ELMO1: variants seen among roughly 807,000 people sequenced by gnomAD.
The protein encoded by ELMO1 is engulfment and cell motility 1.
ELMO1 carries 26 observed loss-of-function variants against 98.9 expected under a neutral mutation model. That is an observed-to-expected ratio of 0.26 (90% confidence interval 0.19 to 0.36). The LOEUF (loss-of-function observed/expected upper bound fraction) is 0.36. ELMO1 is among the 10% of genes least tolerant of loss of function. ELMO1 has a pLI of 1.00. For missense variants in ELMO1, 627 were observed against 935.2 expected (o/e 0.67, Z 4.30); for synonymous variants, 346 against 346.0 (o/e 1.00, Z 0.00).
intron 16 of ELMO1, among the ~76,000 whole-genome samples, chr7:36,900,180 C>T (rs1806384421): frequency 6.6e-6 from 1 of 152,168 alleles, no homozygotes; most frequent in Non-Finnish European, 1.5e-5. Context: ...ATGAGAACCA[C>T]CGATTTCAGC....
intron 14 of ELMO1, among the ~76,000 whole-genome samples, chr7:37,128,564 C>T (rs772498375): frequency 4.6e-5 from 7 of 152,178 alleles, no homozygotes; most frequent in Non-Finnish European, 8.8e-5. Context: ...TTCAGTTACA[C>T]CCACTGCTTT....
At chr7:37,296,504 A>C (rs982942412) in intron 4 of ELMO1, among the ~76,000 whole-genome samples, 5 of 152,170 alleles carry the variant, frequency 3.3e-5, no homozygotes, top group Non-Finnish European at 7.3e-5. Context: ...GACCTTAATG[A>C]CACCTACAAA....
At chr7:37,244,466 AG>A in intron 6 of ELMO1, 75 bp from the exon 7 acceptor site, 1 of 1,481,548 alleles carries the variant, frequency 6.7e-7, no homozygotes, top group Non-Finnish European at 9.3e-7. Flanking sequence ...CATATCTTGA[AG>A]AAAACTCAGG....
chr7:36,916,620 A>G (rs986463528), intron 16 of ELMO1, among the ~76,000 whole-genome samples: 3 of 152,224 alleles, frequency 2.0e-5, no homozygotes, highest in Non-Finnish European at 4.4e-5. Context: ...TTTTACTTAC[A>G]TAGTGCCTAA....
At position 37,008,012 on chromosome 7, in the gene ELMO1, C is replaced by T. The variant is rs982414730; in HGVS notation, c.1437+5287G>A. Among the ~76,000 whole-genome samples the T allele has an allele frequency of 3.9e-5, 6 of 152,224 alleles. No individual in the cohort carries two copies. In the South Asian group the frequency reaches 6.2e-4, roughly 16 times the overall value. On this transcript the variant is annotated intron_variant, in intron 16 of 21. Coordinates refer to ENST00000310758, the MANE Select transcript of ELMO1 (RefSeq NM_014800.11). ...CTGAGATTCTAAGCTCTATTGTGTGCGCTTAGTTTATTATGCTGCTAGATA... is the reference window on the plus strand; with the variant it reads ...CTGAGATTCTAAGCTCTATTGTGTGTGCTTAGTTTATTATGCTGCTAGATA...
At chr7:37,398,110 G>C (rs532618527) in intron 1 of ELMO1, among the ~76,000 whole-genome samples, 16 of 152,226 alleles carry the variant, frequency 1.1e-4, no homozygotes, top group African/African-American at 3.9e-4. Flanking sequence ...CATGGCACAC[G>C]TTTACCTATA....
chr7:36,976,676 G>C (rs1790578615), intron 16 of ELMO1, among the ~76,000 whole-genome samples: 1 of 152,196 alleles, frequency 6.6e-6, no homozygotes, highest in African/African-American at 2.4e-5. Context: ...ATGGAGGTGA[G>C]CAGGGGCCTT....
intron 14 of ELMO1, among the ~76,000 whole-genome samples, chr7:37,122,642 C>T (rs1006890248): frequency 6.6e-6 from 1 of 152,092 alleles, no homozygotes; most frequent in Admixed American, 6.5e-5. Context: ...AAAGCAAGTC[C>T]TTAGAGACTA....
chr7:37,339,443 G>A (rs997183965), intron 2 of ELMO1, among the ~76,000 whole-genome samples: 1 of 152,156 alleles, frequency 6.6e-6, no homozygotes, highest in Non-Finnish European at 1.5e-5. Flanking sequence ...TTTTGGAAAC[G>A]GCTTTTAGTG....
At chr7:37,019,017 A>C (rs1794120311) in intron 15 of ELMO1, among the ~76,000 whole-genome samples, 1 of 152,200 alleles carries the variant, frequency 6.6e-6, no homozygotes, top group African/African-American at 2.4e-5. Flanking sequence ...CTACTGAACT[A>C]TTCAGACTTC....
intron 16 of ELMO1, among the ~76,000 whole-genome samples, chr7:36,930,825 T>C (rs780899474): frequency 6.6e-6 from 1 of 152,192 alleles, no homozygotes; most frequent in East Asian, 1.9e-4. Context: ...GCATGTTTTC[T>C]AGGGTGAGAA....
chr7:37,362,590 C>A (rs1458448173), intron 1 of ELMO1, among the ~76,000 whole-genome samples: 1 of 151,926 alleles, frequency 6.6e-6, no homozygotes, highest in Non-Finnish European at 1.5e-5. Flanking sequence ...AGCCAACCAA[C>A]CTTCCTTCAT....
At chr7:37,363,335 G>A (rs768610189) in intron 1 of ELMO1, among the ~76,000 whole-genome samples, 1 of 152,012 alleles carries the variant, frequency 6.6e-6, no homozygotes, top group Non-Finnish European at 1.5e-5. Context: ...CACCAAAGTC[G>A]AAACCACAAA....
At chr7:37,363,254 A>T (rs1403326560) in intron 1 of ELMO1, among the ~76,000 whole-genome samples, 1 of 151,884 alleles carries the variant, frequency 6.6e-6, no homozygotes, top group African/African-American at 2.4e-5. Flanking sequence ...CCTCACAAAC[A>T]TTCCCTAGGC....
At chr7:37,056,140 T>C (rs1236614699) in intron 15 of ELMO1, among the ~76,000 whole-genome samples, 1 of 152,234 alleles carries the variant, frequency 6.6e-6, no homozygotes, top group Non-Finnish European at 1.5e-5. Flanking sequence ...TGAGTCGTTC[T>C]CACACTTTGG....
intron 7 of ELMO1, among the ~76,000 whole-genome samples, chr7:37,242,024 A>G (rs1202557769): frequency 1.3e-5 from 2 of 152,118 alleles, no homozygotes; most frequent in Non-Finnish European, 2.9e-5. Flanking sequence ...CTTGCTTCAT[A>G]TATCTCCATC....
intron 13 of ELMO1, among the ~76,000 whole-genome samples, chr7:37,151,918 T>C (rs1234287603): frequency 6.6e-6 from 1 of 152,142 alleles, no homozygotes; most frequent in Non-Finnish European, 1.5e-5. Flanking sequence ...TTTTAGCCCA[T>C]GGAAATCTGC....
chr7:37,298,515 C>A (rs1201142784), intron 4 of ELMO1, among the ~76,000 whole-genome samples: 1 of 147,446 alleles, frequency 6.8e-6, no homozygotes, highest in Non-Finnish European at 1.5e-5. Flanking sequence ...CATGTGTTCT[C>A]ATTGTTCAAT....
chr7:36,859,282 T>G (rs1348828172), intron 21 of ELMO1, among the ~76,000 whole-genome samples: 1 of 152,216 alleles, frequency 6.6e-6, no homozygotes, highest in Non-Finnish European at 1.5e-5. Flanking sequence ...AAATACCACA[T>G]TATTAATTTA....
Sources: gnomAD v4.1 joint callset for allele counts (sites outside exome capture counted in the v4.1 genomes callset) on GRCh38, gnomAD v4.1.1 for gene constraint, MANE v1.5 for transcripts, NCBI Gene and HGNC (gene_info 2026-07-23, HGNC 2026-07-21) for gene names.